MAGI3: variants seen among roughly 807,000 people sequenced by gnomAD.
MAGI3 encodes membrane-associated guanylate kinase, WW and PDZ domain-containing protein 3.
In MAGI3, 43 loss-of-function variants were observed where a neutral mutation model predicts 121.8. The ratio of observed to expected loss-of-function variants is 0.35; its 90% CI spans 0.28 to 0.46. The LOEUF (loss-of-function observed/expected upper bound fraction) is 0.46. MAGI3 is among the 20% of genes least tolerant of loss of function. MAGI3 has a pLI of 1.00. For missense variants in MAGI3, 1,547 were observed against 1,797.3 expected, an observed-to-expected ratio of 0.86 and a Z score of 2.52; for synonymous variants, 553 against 639.3, an observed-to-expected ratio of 0.86 and a Z score of 2.04.
chr1:113,436,680 ACAT>A (rs1653580334), intron 1 of MAGI3, among the ~76,000 whole-genome samples: 1 of 152,014 alleles, frequency 6.6e-6, no homozygotes, highest in African/African-American at 2.4e-5. Context: ...TAATGAATAA[ACAT>A]CATTTTTTTT....
intron 1 of MAGI3, among the ~76,000 whole-genome samples, chr1:113,456,287 A>G (rs964558463): frequency 6.6e-6 from 1 of 151,836 alleles, no homozygotes; most frequent in Admixed American, 6.6e-5. Context: ...TAATAGTGAG[A>G]TTTAGAAACC....
At chr1:113,505,915 G>C (rs896418887) in intron 1 of MAGI3, among the ~76,000 whole-genome samples, 1 of 152,176 alleles carries the variant, frequency 6.6e-6, no homozygotes, top group Non-Finnish European at 1.5e-5. Flanking sequence ...TGTCACCCTT[G>C]TAAGGAGACA....
chr1:113,642,991 T>A (rs1446498593), intron 10 of MAGI3, among the ~76,000 whole-genome samples: 1 of 152,226 alleles, frequency 6.6e-6, no homozygotes, highest in Non-Finnish European at 1.5e-5. Flanking sequence ...GCAGAGGCAA[T>A]CATGATAGCA....
In MAGI3 at chr1:113,391,316, C is replaced by A. The variant is rs866073574; in HGVS notation, c.283C>A (p.Arg95Ser). 6 of 1,598,058 alleles carry A rather than the reference C, an allele frequency of 3.8e-6. No individual in the cohort carries two copies. The highest frequency in any genetic ancestry group is 2.3e-5 in the East Asian group (1 of 43,576). The change falls in exon 1 of 21, where the codon CGC becomes AGC. Residue 95 changes from arginine to serine, a missense_variant. Coordinates refer to ENST00000307546, the MANE Select transcript of MAGI3 (RefSeq NM_001142782.2). The surrounding 1 kb of genome is among the most constrained non-coding windows in gnomAD (Gnocchi z 4.4). ...RDTLAVIRHF[R>S]EPIRLKTVKP... ...CACCCTGGCTGTCATCCGCCACTTC[C>A]GCGAGCCCATCCGTCTCAAGACTGT... is the stretch of plus-strand genomic sequence containing the variant.
At chr1:113,604,508 G>C (rs928604771) in intron 6 of MAGI3, among the ~76,000 whole-genome samples, 6 of 141,920 alleles carry the variant, frequency 4.2e-5, no homozygotes, top group African/African-American at 1.6e-4. Flanking sequence ...CGGAGGTTGT[G>C]GTGAGCTGAG....
chr1:113,442,282 G>C (rs556761214), intron 1 of MAGI3, among the ~76,000 whole-genome samples: 9 of 152,288 alleles, frequency 5.9e-5, no homozygotes, highest in African/African-American at 2.2e-4. Context: ...GATGTTGTAT[G>C]ACGGAAGTAC....
At chr1:113,486,675 AG>A (rs1656397273) in intron 1 of MAGI3, among the ~76,000 whole-genome samples, 1 of 144,166 alleles carries the variant, frequency 6.9e-6, no homozygotes, top group Non-Finnish European at 1.5e-5. Context: ...TTTTTGAGAC[AG>A]GGCCTTGCGA....
chr1:113,546,898 C>T (rs182992898), intron 1 of MAGI3, among the ~76,000 whole-genome samples: 6 of 151,494 alleles, frequency 4.0e-5, no homozygotes, highest in South Asian at 2.1e-4. Flanking sequence ...CTGGCTAATA[C>T]GGTGAAGCCC....
At chr1:113,488,333 T>G (rs917127590) in intron 1 of MAGI3, among the ~76,000 whole-genome samples, 29 of 151,702 alleles carry the variant, frequency 1.9e-4, no homozygotes, top group Admixed American at 1.8e-3. Context: ...CCTATAGGAG[T>G]CTTTAGTGCT....
Position 113,399,296 on chromosome 1 carries a change from A to C in MAGI3, c.316+7947A>C, listed in dbSNP as rs1651279902. Among the ~76,000 whole-genome samples, 2 of 152,262 alleles carry C rather than the reference A, an allele frequency of 1.3e-5. 1 individual carries two copies. Among genetic ancestry groups the C allele is most frequent in the Non-Finnish European group, 2.9e-5 (2 of 68,012 alleles). On this transcript the variant is annotated intron_variant, in intron 1 of 20. Coordinates refer to ENST00000307546, the MANE Select transcript of MAGI3 (RefSeq NM_001142782.2). ...AGAGAGGAGAGGACAATGAAGTGCC[A>C]TGATTGGTCAGGCGTGGGGACATGT...
chr1:113,595,950 G>A (rs1250237610), intron 6 of MAGI3, among the ~76,000 whole-genome samples: 1 of 152,128 alleles, frequency 6.6e-6, no homozygotes, highest in Non-Finnish European at 1.5e-5. Context: ...AAGATCGCTT[G>A]AGTCCAGGAG....
intron 1 of MAGI3, among the ~76,000 whole-genome samples, chr1:113,484,957 C>T (rs1656310443): frequency 6.6e-6 from 1 of 151,654 alleles, no homozygotes; most frequent in African/African-American, 2.4e-5. Flanking sequence ...TGGTCTTGAT[C>T]TCTTGACCTT....
intron 1 of MAGI3, among the ~76,000 whole-genome samples, chr1:113,457,479 T>G (rs1654815039): frequency 6.6e-6 from 1 of 152,188 alleles, no homozygotes; most frequent in Non-Finnish European, 1.5e-5. Context: ...TGAATTAAGT[T>G]GGAGAATGGA....
intron 1 of MAGI3, among the ~76,000 whole-genome samples, chr1:113,506,412 T>TC (rs1201950661): frequency 6.7e-6 from 1 of 149,234 alleles, no homozygotes; most frequent in African/African-American, 2.5e-5. Flanking sequence ...AAACCTCATA[T>TC]CCCTTTTTTT....
chr1:113,637,328 T>C (rs1398941060), intron 9 of MAGI3, among the ~76,000 whole-genome samples: 1 of 152,228 alleles, frequency 6.6e-6, no homozygotes, highest in Non-Finnish European at 1.5e-5. Context: ...CTAGCCTCGA[T>C]GGTCTTTACA....
chr1:113,434,215 A>G (rs887303188), intron 1 of MAGI3, among the ~76,000 whole-genome samples: 2 of 152,178 alleles, frequency 1.3e-5, no homozygotes, highest in South Asian at 2.1e-4. Context: ...AATTGTCAAC[A>G]TGAGCTAAAT....
intron 2 of MAGI3, among the ~76,000 whole-genome samples, chr1:113,574,702 C>T (rs925879079): frequency 6.6e-6 from 1 of 152,108 alleles, no homozygotes; most frequent in African/African-American, 2.4e-5. Context: ...TAGTAGTGTT[C>T]TCTATATTTC....
chr1:113,513,839 G>A (rs1245342671), intron 1 of MAGI3, among the ~76,000 whole-genome samples: 43 of 152,052 alleles, frequency 2.8e-4, no homozygotes, highest in Admixed American at 2.7e-3. Context: ...GAGTGAACAG[G>A]CAGCCTACAA....
At chr1:113,475,300 A>C (rs1213162899) in intron 1 of MAGI3, among the ~76,000 whole-genome samples, 1 of 152,208 alleles carries the variant, frequency 6.6e-6, no homozygotes, top group East Asian at 1.9e-4. Flanking sequence ...GAGAGAGGGC[A>C]TCCCTGTCTT....
Sources: gnomAD v4.1 joint callset for allele counts (sites outside exome capture counted in the v4.1 genomes callset) on GRCh38, gnomAD v4.1.1 for gene constraint, Gnocchi (gnomAD v3.1) non-coding constraint, MANE v1.5 for transcripts, NCBI Gene and HGNC (gene_info 2026-07-23, HGNC 2026-07-21) for gene names.